REXO5: variants seen among roughly 807,000 people sequenced by gnomAD.
REXO5 encodes the protein exonuclease NEF-sp.
Under a neutral mutation model 88.5 loss-of-function variants are expected in REXO5, and 48 were observed. The ratio of observed to expected loss-of-function variants is 0.54; its 90% CI spans 0.43 to 0.69. The LOEUF is 0.69. REXO5 is among the 30% of genes least tolerant of loss of function. The probability of loss-of-function intolerance (pLI) is 0.00; values close to 1 mark genes in which losing one functional copy is unlikely to be tolerated. For missense variants in REXO5, 749 were observed against 912.2 expected (o/e 0.82, Z 2.30); for synonymous variants, 311 against 336.5 (o/e 0.92, Z 0.83).
intron 19 of REXO5, 59 bp downstream of exon 19, chr16:20,846,398 A>AC (rs1379850334): frequency 7.6e-7 from 1 of 1,307,762 alleles, no homozygotes; most frequent in African/African-American, 1.5e-5. Context: ...AGCTGTTCTT[A>AC]GAGAAAAAGC....
chr16:20,841,253 T>G (rs894627056), intron 15 of REXO5, among the ~76,000 whole-genome samples: 12 of 152,198 alleles, frequency 7.9e-5, no homozygotes, highest in African/African-American at 2.7e-4. Context: ...ATCTTCACAG[T>G]CATAACAATA....
chr16:20,814,307 G>A (rs189350996), intron 3 of REXO5, among the ~76,000 whole-genome samples: 118 of 152,232 alleles, frequency 7.8e-4, no homozygotes, highest in African/African-American at 2.8e-3. Context: ...CACGATCTCC[G>A]CTCAATGCAA....
rs1346560711 is a variant in REXO5, at chr16:20,824,484, C to T, written c.662C>T (p.Ser221Phe). The T allele has an allele frequency of 6.2e-7, 1 of 1,611,612 alleles. No homozygotes were observed. ...ENFLLTKCNGSIADNSPLFGL... is the reference protein window; with the variant it reads ...ENFLLTKCNGFIADNSPLFGL... The stretch of plus-strand genomic sequence containing the variant: ...TTTTTACTTACCAAATGTAATGGTT[C>T]TATAGCAGACAATAGTCCTCTCTTT... The change falls in exon 7 of 20, where the codon TCT becomes TTT. Residue 221 changes from serine to phenylalanine, a missense_variant. By Grantham distance (155) the Ser-to-Phe change is radical (BLOSUM62 -2). Transcript: ENST00000261377.
chr16:20,839,391 A>G (rs2081490232), intron 13 of REXO5, among the ~76,000 whole-genome samples: 1 of 150,946 alleles, frequency 6.6e-6, no homozygotes, highest in Admixed American at 6.6e-5. Context: ...TTTTAACCAA[A>G]TCTATTAAGC....
chr16:20,824,220 A>T (rs2081227950), intron 6 of REXO5, among the ~76,000 whole-genome samples: 1 of 152,192 alleles, frequency 6.6e-6, no homozygotes, highest in Non-Finnish European at 1.5e-5. Flanking sequence ...ATCTCCTCCT[A>T]ACAGCAAGCC....
At chr16:20,834,557 C>T (rs1567402932) in intron 13 of REXO5, among the ~76,000 whole-genome samples, 1 of 152,012 alleles carries the variant, frequency 6.6e-6, no homozygotes, top group Non-Finnish European at 1.5e-5. Context: ...TTTCTTTCAC[C>T]ACCCTCCCCT....
At chr16:20,837,828 G>A (rs576491922) in intron 13 of REXO5, among the ~76,000 whole-genome samples, 21 of 152,090 alleles carry the variant, frequency 1.4e-4, no homozygotes, top group Admixed American at 4.6e-4. Flanking sequence ...GTGCAGTGGC[G>A]TGAGCAGAGC....
intron 19 of REXO5, 26 bp downstream of exon 19, chr16:20,846,365 C>T (rs1443667715): frequency 2.6e-6 from 4 of 1,547,788 alleles, no homozygotes; most frequent in Non-Finnish European, 3.6e-6. Flanking sequence ...GGTATCCCTT[C>T]AGGACTCTGT....
chr16:20,844,854 A>G lies in REXO5; in HGVS notation c.1936+9A>G, dbSNP rs1596615659. 1 of 1,609,226 alleles carries G rather than the reference A, an allele frequency of 6.2e-7. No individual in the cohort carries two copies. The highest frequency in any genetic ancestry group is 8.5e-7 in the Non-Finnish European group (1 of 1,176,370). On this transcript the variant is annotated intron_variant, in intron 17 of 19. Coordinates refer to ENST00000261377, the MANE Select transcript of REXO5 (RefSeq NM_030941.3). ...AAAATACTGTTTCCTGAGTAAGTCT[A>G]TGCTACTGAATGTAGCTTTGGGGAA...
chr16:20,844,709 C>G lies in REXO5; in HGVS notation c.1800C>G (p.Gly600=). 2.5e-6 allele frequency: 4 copies of G among 1,614,184 alleles called. No homozygotes were observed. The highest frequency in any genetic ancestry group is 3.4e-6 in the Non-Finnish European group (4 of 1,180,020). Residue 600 remains glycine (G), a synonymous_variant, in exon 17 of 20, where the codon GGC becomes GGG. Transcript: ENST00000261377. ...TGGAAGGAGATTCTGAAAACCAAGGCTCTATATATCTGTCTGGAGTGAGTG... is the reference window on the plus strand; with the variant it reads ...TGGAAGGAGATTCTGAAAACCAAGGGTCTATATATCTGTCTGGAGTGAGTG... ...NELEGDSENQ[G]SIYLSGVSET...
chr16:20,817,291 G>A (rs901543413), intron 5 of REXO5, among the ~76,000 whole-genome samples: 3 of 152,104 alleles, frequency 2.0e-5, no homozygotes, highest in Non-Finnish European at 4.4e-5. Flanking sequence ...ATCTGCAATT[G>A]TATTTGATTT....
At chr16:20,831,021 G>T (rs1253589066) in intron 11 of REXO5, among the ~76,000 whole-genome samples, 2 of 127,038 alleles carry the variant, frequency 1.6e-5, no homozygotes, top group East Asian at 4.3e-4. Flanking sequence ...TTGAGACGGG[G>T]TCTCACTGTG....
intron 6 of REXO5, among the ~76,000 whole-genome samples, chr16:20,822,692 A>T (rs1283919821): frequency 1.3e-5 from 2 of 152,194 alleles, no homozygotes; most frequent in African/African-American, 4.8e-5. Context: ...TGGCTTCTTT[A>T]ACTTAGCATA....
At chr16:20,847,261 CAAAAAAAAAAACAA>C (rs2081620993) in intron 19 of REXO5, among the ~76,000 whole-genome samples, 2 of 138,320 alleles carry the variant, frequency 1.4e-5, no homozygotes, top group African/African-American at 2.7e-5. Flanking sequence ...AACACACACA[CAAAAAAAAAAACAA>C]AAAAAAAAAA....
intron 13 of REXO5, among the ~76,000 whole-genome samples, chr16:20,838,442 T>G (rs550338063): frequency 6.6e-6 from 1 of 152,334 alleles, no homozygotes; most frequent in South Asian, 2.1e-4. Context: ...TTGGTATTGT[T>G]GAGGCTTGGG....
intron 5 of REXO5, among the ~76,000 whole-genome samples, chr16:20,817,314 A>G (rs1317014079): frequency 1.3e-5 from 2 of 152,148 alleles, no homozygotes; most frequent in Non-Finnish European, 2.9e-5. Context: ...TTTGCACTGT[A>G]TTTTAAACAT....
At chr16:20,822,843 A>C (rs2081204986) in intron 6 of REXO5, among the ~76,000 whole-genome samples, 1 of 152,228 alleles carries the variant, frequency 6.6e-6, no homozygotes, top group African/African-American at 2.4e-5. Flanking sequence ...TAATGCTGCT[A>C]TGAATATTCA....
At chr16:20,833,152 T>A (rs2081372898) in intron 13 of REXO5, 29 bp downstream of exon 13, 4 of 1,606,248 alleles carry the variant, frequency 2.5e-6, no homozygotes, top group Non-Finnish European at 3.4e-6. Flanking sequence ...CTTTGCAGGT[T>A]ATATTCAAAG....
At chr16:20,826,188 T>G (rs908963671) in intron 8 of REXO5, among the ~76,000 whole-genome samples, 2 of 152,210 alleles carry the variant, frequency 1.3e-5, no homozygotes, top group Admixed American at 6.5e-5. Context: ...TTATCTTCCT[T>G]GTTCCAGAAT....
Sources: allele counts gnomAD v4.1 joint callset (sites outside exome capture counted in the v4.1 genomes callset), GRCh38; gene constraint gnomAD v4.1.1; transcripts MANE v1.5; gene names NCBI Gene and HGNC (gene_info 2026-07-23, HGNC 2026-07-21).